Variants in KCNK13 observed in about 807,000 individuals in gnomAD.
KCNK13 encodes potassium two pore domain channel subfamily K member 13, also known as potassium channel subfamily K member 13.
Under a neutral mutation model 23.4 loss-of-function variants are expected in KCNK13, and 12 were observed. That is an observed-to-expected ratio of 0.51 (90% CI 0.33 to 0.83). KCNK13 has a LOEUF of 0.83. KCNK13 is among the 40% of genes least tolerant of loss of function. The probability of loss-of-function intolerance (pLI) is 0.02; values close to 1 mark genes in which losing one functional copy is unlikely to be tolerated. For synonymous variants in KCNK13, 231 were observed against 229.5 expected (o/e 1.01, Z -0.06); for missense variants, 463 against 556.3 (o/e 0.83, Z 1.69).
intron 1 of KCNK13, among the ~76,000 whole-genome samples, chr14:90,182,403 G>C: frequency 6.6e-6 from 1 of 152,148 alleles, no homozygotes; most frequent in Middle Eastern, 3.4e-3. Context: ...GCCGTTGACC[G>C]AGCTGTAGCA....
intron 1 of KCNK13, among the ~76,000 whole-genome samples, chr14:90,113,822 A>G (rs1381898770): frequency 6.6e-6 from 1 of 152,144 alleles, no homozygotes; most frequent in Non-Finnish European, 1.5e-5. Flanking sequence ...AGTCCCAGCT[A>G]CTTGGGAGGC....
At position 90,132,083 on chromosome 14, in the gene KCNK13, G is replaced by C. The variant is rs1387744880; in HGVS notation, c.335-52028G>C. On this transcript the variant is annotated intron_variant, in intron 1 of 1. Coordinates refer to ENST00000282146, the MANE Select transcript of KCNK13 (RefSeq NM_022054.4). ...CAAAATGTGGTCTATACATACAATG[G>C]AATATCATTTAGCCTTAAAAAGAAG... 2.0e-5 allele frequency among the ~76,000 whole-genome samples: 3 copies of C among 152,342 alleles called. No individual in the cohort carries two copies. In the South Asian group the frequency reaches 6.2e-4, roughly 32 times the overall value.
At chr14:90,093,002 G>A (rs971404172) in intron 1 of KCNK13, among the ~76,000 whole-genome samples, 11 of 151,022 alleles carry the variant, frequency 7.3e-5, no homozygotes, top group South Asian at 2.1e-4. Flanking sequence ...CTTAATTTGC[G>A]CTGGGTGCTA....
chr14:90,063,730 A>G (rs1027169475), intron 1 of KCNK13, among the ~76,000 whole-genome samples: 1 of 152,228 alleles, frequency 6.6e-6, no homozygotes, highest in Non-Finnish European at 1.5e-5. Context: ...GCTGTGCTAC[A>G]TAGACATTCT....
At chr14:90,171,283 TAG>T (rs1184007764) in intron 1 of KCNK13, among the ~76,000 whole-genome samples, 1 of 152,184 alleles carries the variant, frequency 6.6e-6, no homozygotes, top group Non-Finnish European at 1.5e-5. Flanking sequence ...GGAAAACTCA[TAG>T]AGGCCAGAGA....
chr14:90,122,461 C>T (rs4904632), intron 1 of KCNK13, among the ~76,000 whole-genome samples: 75,959 of 151,728 alleles, frequency 0.5, 18,999 homozygotes, highest in African/African-American at 0.53. Context: ...TGAGAATTCC[C>T]GGCCTGTAGC....
In KCNK13 at chr14:90,085,873, A is replaced by T. The variant is rs889702079; in HGVS notation, c.334+23334A>T. ...ATAAATATATAATATATAAATTTAT[A>T]TCTATCTATCTACCTTTTTCCTTTT... On this transcript the variant is annotated intron_variant, in intron 1 of 1. Coordinates refer to ENST00000282146, the MANE Select transcript of KCNK13 (RefSeq NM_022054.4). Among the ~76,000 whole-genome samples the T allele has an allele frequency of 4.9e-4, 70 of 143,692 alleles. 1 individual carries two copies. The highest frequency in any genetic ancestry group is 1.7e-3 in the African/African-American group (66 of 39,092). 94.3% of individuals were successfully genotyped at this position (143,692 alleles called of 152,430 possible). A position where few individuals can be genotyped will look rare whatever the true frequency, so the allele number is the denominator to read the frequency against.
At chr14:90,107,207 T>C (rs368678063) in intron 1 of KCNK13, among the ~76,000 whole-genome samples, 158 of 151,508 alleles carry the variant, frequency 1.0e-3, no homozygotes, top group Admixed American at 2.0e-3. Context: ...TGGCCGGGCA[T>C]GGTGGCTCAT....
intron 1 of KCNK13, among the ~76,000 whole-genome samples, chr14:90,111,689 C>T (rs1054235523): frequency 6.6e-6 from 1 of 152,164 alleles, no homozygotes; most frequent in African/African-American, 2.4e-5. Flanking sequence ...GCAGAATGTC[C>T]CTCTCTGTGA....
At chr14:90,135,058 A>G (rs1048189221) in intron 1 of KCNK13, among the ~76,000 whole-genome samples, 3 of 152,222 alleles carry the variant, frequency 2.0e-5, no homozygotes, top group African/African-American at 7.2e-5. Flanking sequence ...GATACTTTAC[A>G]TTGCACGTTG....
At chr14:90,087,873 T>C (rs1889299600) in intron 1 of KCNK13, among the ~76,000 whole-genome samples, 1 of 152,242 alleles carries the variant, frequency 6.6e-6, no homozygotes, top group Non-Finnish European at 1.5e-5. Flanking sequence ...TTCTGGTGCT[T>C]AGCCCACCAC....
chr14:90,114,439 C>T (rs1014006328), intron 1 of KCNK13, among the ~76,000 whole-genome samples: 8 of 152,114 alleles, frequency 5.3e-5, no homozygotes, highest in African/African-American at 1.7e-4. Flanking sequence ...GGCATGACCT[C>T]GGCTTTGGGA....
chr14:90,077,341 G>A (rs1308522856), intron 1 of KCNK13, among the ~76,000 whole-genome samples: 10 of 150,802 alleles, frequency 6.6e-5, no homozygotes, highest in South Asian at 2.1e-4. Context: ...GGCTGGTCTC[G>A]AACTCCTGGC....
At position 90,115,056 on chromosome 14, in the gene KCNK13, A is replaced by G. The variant is rs78060059; in HGVS notation, c.334+52517A>G. Among the ~76,000 whole-genome samples the G allele has an allele frequency of 1.3e-3, 197 of 152,276 alleles. 2 individuals carry two copies. The East Asian group carries it at 0.02, about 16-fold the overall frequency. On this transcript the variant is annotated intron_variant, in intron 1 of 1. Coordinates refer to ENST00000282146, the MANE Select transcript of KCNK13 (RefSeq NM_022054.4). Reference sequence around the variant, plus strand: ...GATCCAAATCACTTCTACCAACCCAATGCAGATTCTGGCAACCAGGAGGAA... The same window carrying G: ...GATCCAAATCACTTCTACCAACCCAGTGCAGATTCTGGCAACCAGGAGGAA...
At chr14:90,080,713 G>A (rs997295057) in intron 1 of KCNK13, among the ~76,000 whole-genome samples, 31 of 152,150 alleles carry the variant, frequency 2.0e-4, no homozygotes, top group Admixed American at 2.0e-4. Context: ...AGGGTTCCCC[G>A]TTAGGATACT....
At chr14:90,170,494 G>A (rs752426054) in intron 1 of KCNK13, among the ~76,000 whole-genome samples, 1 of 152,184 alleles carries the variant, frequency 6.6e-6, no homozygotes, top group African/African-American at 2.4e-5. Flanking sequence ...GATTACAGGC[G>A]TGAGCCACCG....
intron 1 of KCNK13, among the ~76,000 whole-genome samples, chr14:90,071,348 A>G (rs1889072270): frequency 6.6e-6 from 1 of 152,148 alleles, no homozygotes; most frequent in African/African-American, 2.4e-5. Flanking sequence ...AGAGTCTCCA[A>G]TTTATAACCA....
rs1258765455 is a variant in KCNK13 at position 90,068,849 on chromosome 14, A to G, written c.334+6310A>G. 2.6e-5 allele frequency among the ~76,000 whole-genome samples: 4 copies of G among 151,486 alleles called. No individual in the cohort carries two copies. The East Asian group carries it at 7.8e-4, about 29-fold the overall frequency. Reference sequence around the variant, plus strand: ...AGGTGAGCTCACCTGCTGTCTTATGACCTCCTCGCCAACTGGAAGTCAAGT... The same window carrying G: ...AGGTGAGCTCACCTGCTGTCTTATGGCCTCCTCGCCAACTGGAAGTCAAGT... On this transcript the variant is annotated intron_variant, in intron 1 of 1. Coordinates refer to ENST00000282146, the MANE Select transcript of KCNK13 (RefSeq NM_022054.4).
chr14:90,154,149 C>T (rs1263126744), intron 1 of KCNK13, among the ~76,000 whole-genome samples: 2 of 152,172 alleles, frequency 1.3e-5, no homozygotes, highest in African/African-American at 4.8e-5. Context: ...CTGCCCTTGC[C>T]AACAGTCCTG....
Sources: allele counts gnomAD v4.1 joint callset (sites outside exome capture counted in the v4.1 genomes callset), GRCh38; gene constraint gnomAD v4.1.1; transcripts MANE v1.5; gene names NCBI Gene and HGNC (gene_info 2026-07-23, HGNC 2026-07-21).